NOC3L: variants seen among roughly 807,000 people sequenced by gnomAD.
NOC3L encodes the protein NOC3 like DNA replication regulator, also known as nucleolar complex protein 3 homolog.
A neutral mutation model predicts 102.5 loss-of-function variants in NOC3L; 85 were observed. That is an observed-to-expected ratio of 0.83 (90% confidence interval 0.70 to 0.99). The LOEUF is 0.99. Ranked by LOEUF, NOC3L falls within the 50% of genes least tolerant of loss-of-function variation. The probability of loss-of-function intolerance (pLI) is 0.00; values close to 1 mark genes in which losing one functional copy is unlikely to be tolerated. For missense variants in NOC3L, 878 were observed against 914.9 expected, an observed-to-expected ratio of 0.96 and a Z score of 0.52; for synonymous variants, 303 against 309.4, an observed-to-expected ratio of 0.98 and a Z score of 0.22.
At chr10:94,344,223 T>A (rs1327622687) in intron 13 of NOC3L, among the ~76,000 whole-genome samples, 192 bp downstream of exon 13, 2 of 152,116 alleles carry the variant, frequency 1.3e-5, no homozygotes, top group Admixed American at 1.3e-4. Context: ...AAGGAGATTT[T>A]AAAAATAAAA....
At position 94,362,885 on chromosome 10, in the gene NOC3L, G is replaced by A. The variant is rs779787541; in HGVS notation, c.-47C>T. On this transcript the variant is annotated 5_prime_UTR_variant, in exon 1 of 21. Coordinates refer to ENST00000371361, the MANE Select transcript of NOC3L (RefSeq NM_022451.11). ...CGGCCAGACAAGTTCACCAGAAGCA[G>A]GGTTACTACAGAAATCCCGGGGAAT... The A allele has an allele frequency of 3.1e-6, 5 of 1,613,802 alleles. No homozygotes were observed. The South Asian group carries it at 5.5e-5, about 18-fold the overall frequency.
chr10:94,321,843 T>C, the NOC3L span: 1 of 1,357,580 alleles, frequency 7.4e-7, no homozygotes, highest in Non-Finnish European at 1.0e-6. Context: ...GCTAGATTTG[T>C]CTTTCTTTAT....
At chr10:94,315,814 T>C in the NOC3L span, among the ~76,000 whole-genome samples, 4 of 151,960 alleles carry the variant, frequency 2.6e-5, no homozygotes, top group East Asian at 3.9e-4. Context: ...CTCATCTTTA[T>C]TGAGTTCACC....
intron 16 of NOC3L, 71 bp from the exon 17 acceptor site, chr10:94,339,991 G>C: frequency 7.4e-7 from 1 of 1,343,330 alleles, no homozygotes; most frequent in Non-Finnish European, 1.0e-6. Context: ...CTGAACTTCA[G>C]ATAAACCCAA....
In NOC3L at chr10:94,352,398, T is replaced by A. The variant is rs2054429882; in HGVS notation, c.864A>T (p.Arg288=). ...ATTCTCTTAACTTCTGGGTTTCTTT[T>A]CGGGTCTGAAAAGACCAAAAAGGTC... ...LTEAEKSTKT[R]KETQKLREFE... is the part of the protein sequence containing the mutation. The change falls in exon 8 of 21, where the codon CGA becomes CGT. Residue 288 remains arginine, a synonymous_variant. Coordinates refer to ENST00000371361, the MANE Select transcript of NOC3L (RefSeq NM_022451.11). 1 of 1,612,208 alleles carries A rather than the reference T, an allele frequency of 6.2e-7. No individual in the cohort carries two copies. Among genetic ancestry groups the A allele is most frequent in the Non-Finnish European group, 8.5e-7 (1 of 1,178,950 alleles).
rs778527655 is a variant in NOC3L at position 94,357,287 on chromosome 10, T to A, written c.395A>T (p.Asp132Val). Residue 132 changes from aspartate (D) to valine (V), a missense_variant, in exon 4 of 21, where the codon GAT (aspartate) becomes GTT (valine). Transcript: ENST00000371361. ...AGTTCTTGGTATTTTTTCATATTTATCTATAATGCGTTCATGCTTCCGTTT... is the reference window on the plus strand; with the variant it reads ...AGTTCTTGGTATTTTTTCATATTTAACTATAATGCGTTCATGCTTCCGTTT... ...AKKRKHERII[D>V]KYEKIPRTLQ... is the part of the protein sequence containing the mutation. The A allele has an allele frequency of 1.9e-6, 3 of 1,605,822 alleles. No homozygotes were observed. The highest frequency in any genetic ancestry group is 2.7e-5 in the African/African-American group (2 of 74,590).
the NOC3L span, among the ~76,000 whole-genome samples, chr10:94,320,206 C>T: frequency 6.6e-6 from 1 of 152,014 alleles, no homozygotes; most frequent in Non-Finnish European, 1.5e-5. Flanking sequence ...AAACAGTATA[C>T]ATAGGATACA....
rs762528082 is a variant in NOC3L, at chr10:94,346,418, G to A, written c.1389+7C>T. On this transcript the variant is annotated splice_region_variant and intron_variant, in intron 11 of 20. Transcript: ENST00000371361. The stretch of plus-strand genomic sequence containing the variant: ...TTAAATGAAACAAAAGGGGAAATAA[G>A]TCAAACCTTTCTCTGCATTCTTGAT... The A allele has an allele frequency of 1.6e-5, 24 of 1,480,132 alleles. No homozygotes were observed. In the African/African-American group the frequency reaches 2.9e-4, roughly 18 times the overall value. 91.7% of individuals were successfully genotyped at this position (1,480,132 alleles called of 1,614,324 possible). A position where few individuals can be genotyped will look rare whatever the true frequency, so the allele number is the denominator to read the frequency against.
chr10:94,327,549 T>TAAC, the NOC3L span, among the ~76,000 whole-genome samples: 1 of 152,060 alleles, frequency 6.6e-6, no homozygotes, highest in African/African-American at 2.4e-5. Flanking sequence ...AAAAAGAAAG[T>TAAC]TAGTTTAGTA....
In NOC3L at chr10:94,353,077, T is replaced by G; in HGVS notation, c.697-20A>C. ...TTTAATCTGTTAAAGAAATAGCTTA[T>G]AAAGCTGGAGAAATCATGACGAAAC... is the stretch of plus-strand genomic sequence containing the variant. On this transcript the variant is annotated intron_variant, in intron 6 of 20. Coordinates refer to ENST00000371361, the MANE Select transcript of NOC3L (RefSeq NM_022451.11). 1 of 1,574,364 alleles carries G rather than the reference T, an allele frequency of 6.4e-7. No individual in the cohort carries two copies. The highest frequency in any genetic ancestry group is 2.2e-5 in the East Asian group (1 of 44,606).
In NOC3L at chr10:94,334,144, T is replaced by C. The variant is rs2054189908; in HGVS notation, c.*33A>G. On this transcript the variant is annotated 3_prime_UTR_variant, in exon 21 of 21. Transcript: ENST00000371361. Reference sequence around the variant, plus strand: ...CTTTATGTACATCTGCACACACAAATATACAAGAAAGTCCACTGACTTCAT... The same window carrying C: ...CTTTATGTACATCTGCACACACAAACATACAAGAAAGTCCACTGACTTCAT... 2.1e-6 allele frequency: 2 copies of C among 968,500 alleles called. No homozygotes were observed. Among genetic ancestry groups the C allele is most frequent in the African/African-American group, 1.6e-5 (1 of 61,402 alleles). 60.0% of individuals were successfully genotyped at this position (968,500 alleles called of 1,614,324 possible).
the NOC3L span, chr10:94,325,210 T>C: frequency 1.1e-5 from 9 of 834,092 alleles, no homozygotes; most frequent in Admixed American, 2.0e-5. Flanking sequence ...CAGGAGGATG[T>C]CCCTTGAAGG....
the NOC3L span, among the ~76,000 whole-genome samples, chr10:94,327,189 T>C: frequency 6.6e-6 from 1 of 152,210 alleles, no homozygotes; most frequent in Non-Finnish European, 1.5e-5. Flanking sequence ...GCTTCTCTTA[T>C]AGTCATTGGT....
At chr10:94,358,732 T>C (rs1052743776) in intron 2 of NOC3L, among the ~76,000 whole-genome samples, 2 of 152,288 alleles carry the variant, frequency 1.3e-5, no homozygotes, top group African/African-American at 4.8e-5. Flanking sequence ...CCAGCTCCCA[T>C]TCAGTTACTT....
At chr10:94,324,528 T>G in the NOC3L span, 46 of 1,613,992 alleles carry the variant, frequency 2.9e-5, 1 homozygote, top group Admixed American at 5.0e-5. Context: ...AGTGGAAAGG[T>G]GCAGGAAAAT....
chr10:94,316,976 C>T, the NOC3L span, among the ~76,000 whole-genome samples: 1 of 152,204 alleles, frequency 6.6e-6, no homozygotes, highest in African/African-American at 2.4e-5. Context: ...TTAGACCGGG[C>T]GTGGTGGCTC....
At chr10:94,352,864 G>T (rs1482418851) in intron 7 of NOC3L, 32 bp downstream of exon 7, 2 of 1,570,668 alleles carry the variant, frequency 1.3e-6, no homozygotes, top group South Asian at 1.2e-5. Context: ...AGTTATTTTA[G>T]ATAGTAATTA....
intron 9 of NOC3L, among the ~76,000 whole-genome samples, chr10:94,349,590 G>A (rs1345146022): frequency 6.6e-6 from 1 of 151,984 alleles, no homozygotes; most frequent in African/African-American, 2.4e-5. Flanking sequence ...ATGTTCCCTG[G>A]GGGACAAATT....
At position 94,356,611 on chromosome 10, in the gene NOC3L, A is replaced by G; in HGVS notation, c.509-20T>C. The G allele has an allele frequency of 2.8e-6, 4 of 1,403,826 alleles. No individual in the cohort carries two copies. The highest frequency in any genetic ancestry group is 4.0e-6 in the Non-Finnish European group (4 of 991,832). 87.0% of individuals were successfully genotyped at this position (1,403,826 alleles called of 1,614,324 possible). A position where few individuals can be genotyped will look rare whatever the true frequency, so the allele number is the denominator to read the frequency against. ...CAGTAACTATATGGAAAACATATGT[A>G]TTAAAACTGTGATATATACTTAAGT... On this transcript the variant is annotated intron_variant, in intron 4 of 20. Transcript: ENST00000371361.
Sources: allele counts gnomAD v4.1 joint callset (sites outside exome capture counted in the v4.1 genomes callset), GRCh38; gene constraint gnomAD v4.1.1; transcripts MANE v1.5; gene names NCBI Gene and HGNC (gene_info 2026-07-23, HGNC 2026-07-21).